STAG1: variants seen among roughly 807,000 people sequenced by gnomAD.
The protein encoded by STAG1 is cohesin subunit SA-1.
STAG1 carries 26 observed loss-of-function variants against 170.9 expected under a neutral mutation model. That is an observed-to-expected ratio of 0.15 (90% confidence interval 0.11 to 0.21). The LOEUF (loss-of-function observed/expected upper bound fraction) is 0.21. Among genes scored for constraint, STAG1 ranks in the 10% least tolerant of loss-of-function variants. The probability of loss-of-function intolerance (pLI) is 1.00; values close to 1 mark genes in which losing one functional copy is unlikely to be tolerated. For synonymous variants in STAG1, 514 were observed against 497.7 expected (o/e 1.03, Z -0.44); for missense variants, 964 against 1,509.5 (o/e 0.64, Z 5.99).
intron 2 of STAG1, among the ~76,000 whole-genome samples, chr3:136,625,839 C>A (rs931780221): frequency 4.6e-5 from 7 of 152,214 alleles, no homozygotes; most frequent in Non-Finnish European, 1.0e-4. Context: ...TGTAAATCTT[C>A]AAAGTTATCA....
intron 6 of STAG1, among the ~76,000 whole-genome samples, chr3:136,525,247 C>G (rs1282308171): frequency 6.6e-6 from 1 of 152,186 alleles, no homozygotes; most frequent in South Asian, 2.1e-4. Context: ...GGTTGGTAGG[C>G]TATTAATTAG....
intron 6 of STAG1, among the ~76,000 whole-genome samples, chr3:136,541,558 A>ACT (rs1935906252): frequency 2.0e-5 from 3 of 148,504 alleles, no homozygotes; most frequent in Admixed American, 6.7e-5. Context: ...ACACACACAC[A>ACT]CACACACACA....
At chr3:136,707,189 AG>A (rs1943251661) in intron 1 of STAG1, among the ~76,000 whole-genome samples, 2 of 152,238 alleles carry the variant, frequency 1.3e-5, no homozygotes, top group Non-Finnish European at 2.9e-5. Context: ...ATGTACCTAA[AG>A]AAAAATTATA....
chr3:136,440,004 TA>T (rs1248401968), intron 15 of STAG1, among the ~76,000 whole-genome samples: 2 of 152,228 alleles, frequency 1.3e-5, no homozygotes, highest in Non-Finnish European at 2.9e-5. Context: ...TTTTAACAAG[TA>T]AAATGCACCT....
intron 5 of STAG1, among the ~76,000 whole-genome samples, chr3:136,554,765 C>T (rs1186108555): frequency 6.6e-6 from 1 of 151,980 alleles, no homozygotes; most frequent in Non-Finnish European, 1.5e-5. Flanking sequence ...TGTGGTGGCA[C>T]ACACTTGTGG....
At chr3:136,683,823 T>C (rs1942424373) in intron 1 of STAG1, among the ~76,000 whole-genome samples, 1 of 152,144 alleles carries the variant, frequency 6.6e-6, no homozygotes, top group Non-Finnish European at 1.5e-5. Context: ...AAAAAACTCT[T>C]TGAACTAAAA....
At chr3:136,696,740 A>T (rs1942905674) in intron 1 of STAG1, among the ~76,000 whole-genome samples, 1 of 152,200 alleles carries the variant, frequency 6.6e-6, no homozygotes, top group Non-Finnish European at 1.5e-5. Flanking sequence ...TATGAATCTC[A>T]AATGCACTGT....
chr3:136,553,270 A>G (rs757046489), intron 5 of STAG1, among the ~76,000 whole-genome samples: 6 of 152,322 alleles, frequency 3.9e-5, no homozygotes, highest in Middle Eastern at 3.4e-3. Context: ...ACAGAAATTC[A>G]AAAATATGGA....
At chr3:136,464,028 CATT>C (rs1027844070) in intron 13 of STAG1, among the ~76,000 whole-genome samples, 9 of 151,286 alleles carry the variant, frequency 5.9e-5, no homozygotes, top group African/African-American at 2.2e-4. Flanking sequence ...CATACACTCT[CATT>C]AACGTTATGC....
intron 10 of STAG1, among the ~76,000 whole-genome samples, chr3:136,477,012 A>C (rs1314807767): frequency 1.3e-5 from 2 of 152,190 alleles, no homozygotes; most frequent in Non-Finnish European, 2.9e-5. Context: ...TTAGAAAAAG[A>C]ATATAATGAT....
chr3:136,600,182 T>C (rs902540529), intron 4 of STAG1, among the ~76,000 whole-genome samples: 3 of 152,218 alleles, frequency 2.0e-5, no homozygotes, highest in African/African-American at 7.2e-5. Context: ...AAGGAGCCTC[T>C]ATTAATAAAT....
intron 6 of STAG1, among the ~76,000 whole-genome samples, chr3:136,529,511 A>G (rs1244345373): frequency 6.6e-6 from 1 of 152,168 alleles, no homozygotes; most frequent in African/African-American, 2.4e-5. Flanking sequence ...AACAACAACA[A>G]CAAAAAACCC....
Position 136,542,212 on chromosome 3 carries a change from T to C in STAG1, c.395-17A>G, listed in dbSNP as rs1935943842. 1.9e-6 allele frequency: 3 copies of C among 1,578,084 alleles called. No homozygotes were observed. Among genetic ancestry groups the C allele is most frequent in the Non-Finnish European group, 2.6e-6 (3 of 1,155,382 alleles). On this transcript the variant is annotated splice_polypyrimidine_tract_variant and intron_variant, in intron 5 of 33. Transcript: ENST00000383202. Reference sequence around the variant, plus strand: ...TCACAGTACCTGTGGAACAACAGATTTTACATTAATCTTTCAATTAATCTT... The same window carrying C: ...TCACAGTACCTGTGGAACAACAGATCTTACATTAATCTTTCAATTAATCTT...
intron 29 of STAG1, among the ~76,000 whole-genome samples, chr3:136,345,585 G>T (rs1417608404): frequency 6.6e-6 from 1 of 150,834 alleles, no homozygotes; most frequent in South Asian, 2.1e-4. Context: ...TACTATGCCC[G>T]GCCAAGTTTC....
intron 1 of STAG1, among the ~76,000 whole-genome samples, chr3:136,690,853 G>T (rs909402650): frequency 6.6e-6 from 1 of 151,504 alleles, no homozygotes; most frequent in Non-Finnish European, 1.5e-5. Context: ...TTTCTTTGGT[G>T]GATTTGACTA....
intron 28 of STAG1, among the ~76,000 whole-genome samples, chr3:136,353,579 A>C (rs1936516963): frequency 6.6e-6 from 1 of 152,234 alleles, no homozygotes; most frequent in South Asian, 2.1e-4. Flanking sequence ...AAGTGTTGAA[A>C]GTAAAAAACT....
At chr3:136,492,242 A>G (rs2107846557) in intron 9 of STAG1, among the ~76,000 whole-genome samples, 1 of 152,344 alleles carries the variant, frequency 6.6e-6, no homozygotes, top group Admixed American at 6.5e-5. Flanking sequence ...CTTGTATTCT[A>G]GTTTTGAATA....
At chr3:136,687,482 A>G (rs1942569842) in intron 1 of STAG1, among the ~76,000 whole-genome samples, 1 of 151,574 alleles carries the variant, frequency 6.6e-6, no homozygotes, top group Admixed American at 6.6e-5. Context: ...ACGGTGAAGC[A>G]GGGAATCTGC....
intron 5 of STAG1, among the ~76,000 whole-genome samples, chr3:136,559,385 TAAC>T (rs1936750196): frequency 6.6e-6 from 1 of 151,526 alleles, no homozygotes; most frequent in East Asian, 1.9e-4. Flanking sequence ...AAAAGAAAAA[TAAC>T]AATTAAAAAA....
Sources: gnomAD v4.1 joint callset for allele counts (sites outside exome capture counted in the v4.1 genomes callset) on GRCh38, gnomAD v4.1.1 for gene constraint, MANE v1.5 for transcripts, NCBI Gene and HGNC (gene_info 2026-07-23, HGNC 2026-07-21) for gene names.